GNG2: variants seen among roughly 807,000 people sequenced by gnomAD.
The protein encoded by GNG2 is G protein subunit gamma 2.
Under a neutral mutation model 5.5 loss-of-function variants are expected in GNG2, and 5 were observed. The observed-to-expected ratio is 0.91, with a 90% CI of 0.48 to 1.92. GNG2 has a LOEUF of 1.92. GNG2 is among the 30% of genes most tolerant of loss of function. The pLI is 0.01. For missense variants in GNG2, 55 were observed against 88.4 expected (o/e 0.62, Z 1.52); for synonymous variants, 28 against 32.0 (o/e 0.88, Z 0.42).
In GNG2 at chr14:51,968,202, T is replaced by A. The variant is rs917755311; in HGVS notation, c.*1515T>A. ...TCATTGTAGCTGTAGTCTCCATCAGTAACAGCAGGCCCTGGAAGACTTGAT... is the reference window on the plus strand; with the variant it reads ...TCATTGTAGCTGTAGTCTCCATCAGAAACAGCAGGCCCTGGAAGACTTGAT... On this transcript the variant is annotated 3_prime_UTR_variant, in exon 4 of 4. Coordinates refer to ENST00000556766, the MANE Select transcript of GNG2 (RefSeq NM_053064.5). 6.6e-6 allele frequency: 1 copy of A among 152,182 alleles called. No individual in the cohort carries two copies. The highest frequency in any genetic ancestry group is 2.4e-5 in the African/African-American group (1 of 41,448). The allele number at this position is 152,182 out of a possible 1,614,324, so 9.4% of individuals were successfully genotyped here.
chr14:51,932,832 G>A (rs1468154165), intron 2 of GNG2, among the ~76,000 whole-genome samples: 1 of 150,978 alleles, frequency 6.6e-6, no homozygotes, highest in Non-Finnish European at 1.5e-5. Flanking sequence ...GAAAAAGGAT[G>A]TTTGCAGATG....
intron 2 of GNG2, among the ~76,000 whole-genome samples, chr14:51,902,750 G>A (rs1314662029): frequency 2.6e-5 from 4 of 151,986 alleles, no homozygotes; most frequent in Non-Finnish European, 2.9e-5. Flanking sequence ...AAAATTAGCC[G>A]GGCAGTGCAC....
At chr14:51,843,132 A>ACCTTTCCGTAAGGTTAGG (rs2140078666) in intron 2 of GNG2, among the ~76,000 whole-genome samples, 1 of 152,342 alleles carries the variant, frequency 6.6e-6, no homozygotes, top group African/African-American at 2.4e-5. Flanking sequence ...TTTTTAATCA[A>ACCTTTCCGTAAGGTTAGG]TGCTCTCCTT....
At chr14:51,839,950 C>T (rs908553012) in intron 2 of GNG2, among the ~76,000 whole-genome samples, 7 of 148,366 alleles carry the variant, frequency 4.7e-5, no homozygotes, top group African/African-American at 1.5e-4. Flanking sequence ...GCAACTTCAG[C>T]GAGTTGTAGG....
intron 2 of GNG2, among the ~76,000 whole-genome samples, chr14:51,846,120 C>T (rs1326506083): frequency 6.6e-6 from 1 of 152,058 alleles, no homozygotes; most frequent in African/African-American, 2.4e-5. Context: ...AATGTATAAA[C>T]CATTTGTCAA....
At position 51,966,353 on chromosome 14, in the gene GNG2, C is replaced by A. The variant is rs906629756; in HGVS notation, c.88-206C>A. On this transcript the variant is annotated intron_variant, in intron 3 of 3. Coordinates refer to ENST00000556766, the MANE Select transcript of GNG2 (RefSeq NM_053064.5). ...ACCCTAAGTGCCTCACTCACCTTAA[C>A]CTAGTCCCAGACTTGCTGGCAACAA... is the stretch of plus-strand genomic sequence containing the variant. Among the ~76,000 whole-genome samples the A allele has an allele frequency of 2.0e-5, 3 of 152,278 alleles. No homozygotes were observed. In the East Asian group the frequency reaches 5.8e-4, roughly 29 times the overall value.
chr14:51,907,403 T>G (rs1208292475), intron 2 of GNG2, among the ~76,000 whole-genome samples: 1 of 152,228 alleles, frequency 6.6e-6, no homozygotes, highest in African/African-American at 2.4e-5. Flanking sequence ...GGGTCTTAAG[T>G]AGAAGTATAA....
intron 2 of GNG2, among the ~76,000 whole-genome samples, chr14:51,921,195 A>G (rs1317495841): frequency 3.3e-5 from 5 of 152,164 alleles, no homozygotes; most frequent in Non-Finnish European, 5.9e-5. Context: ...GACTAAGTAC[A>G]TTTCTTAACT....
At chr14:51,921,651 T>G (rs1237336586) in intron 2 of GNG2, among the ~76,000 whole-genome samples, 1 of 152,184 alleles carries the variant, frequency 6.6e-6, no homozygotes, top group Non-Finnish European at 1.5e-5. Flanking sequence ...GAACTAGTGC[T>G]TACTTCATAA....
intron 3 of GNG2, 72 bp from the exon 4 acceptor site, chr14:51,966,487 G>A (rs1045323209): frequency 1.5e-5 from 20 of 1,305,942 alleles, no homozygotes; most frequent in Non-Finnish European, 2.1e-5. Context: ...CCAGGACATT[G>A]GGCTCTAAAG....
At chr14:51,864,699 C>A (rs1367784757) in intron 1 of GNG2, among the ~76,000 whole-genome samples, 1 of 152,126 alleles carries the variant, frequency 6.6e-6, no homozygotes, top group East Asian at 1.9e-4. Context: ...CACTGGAGAG[C>A]TGTTTCTTCA....
intron 2 of GNG2, among the ~76,000 whole-genome samples, chr14:51,919,327 A>G (rs1886870230): frequency 6.6e-6 from 1 of 152,244 alleles, no homozygotes; most frequent in Non-Finnish European, 1.5e-5. Flanking sequence ...ATGTGAAAAC[A>G]AGATTGTAAG....
rs1361462747 is a variant in GNG2, at chr14:51,881,488, GT to G, written c.-30+3832del. On this transcript the variant is annotated intron_variant, in intron 2 of 3. Transcript: ENST00000556766. ...TGGGCCTTTCCCCACTACTTCTGCA[GT>G]ACTCTGCCAGCATCATCCGTAGCAA... Among the ~76,000 whole-genome samples the G allele has an allele frequency of 2.6e-5, 4 of 152,200 alleles. No individual in the cohort carries two copies. The East Asian group carries it at 7.7e-4, about 29-fold the overall frequency.
chr14:51,891,624 A>G (rs2059785515), intron 2 of GNG2, among the ~76,000 whole-genome samples: 1 of 152,054 alleles, frequency 6.6e-6, no homozygotes, highest in African/African-American at 2.4e-5. Context: ...TTCCCTGCAT[A>G]TGGTTTAGTT....
At chr14:51,838,937 A>G (rs1045270431) in intron 2 of GNG2, among the ~76,000 whole-genome samples, 8 of 152,322 alleles carry the variant, frequency 5.3e-5, no homozygotes, top group Admixed American at 4.6e-4. Context: ...ACACTCAGCA[A>G]TAAGTGACCC....
chr14:51,864,081 C>T (rs562644418), intron 1 of GNG2, among the ~76,000 whole-genome samples: 22 of 152,272 alleles, frequency 1.4e-4, no homozygotes, highest in African/African-American at 5.3e-4. Flanking sequence ...GAAGAATTGC[C>T]ATACTGTTTT....
intron 3 of GNG2, among the ~76,000 whole-genome samples, chr14:51,955,950 G>A (rs918220834): frequency 1.3e-5 from 2 of 152,196 alleles, no homozygotes; most frequent in African/African-American, 4.8e-5. Context: ...ATGGAACCCT[G>A]TAGTGAGAAA....
chr14:51,944,503 C>T (rs1471587262), intron 2 of GNG2, among the ~76,000 whole-genome samples: 3 of 152,142 alleles, frequency 2.0e-5, no homozygotes, highest in Non-Finnish European at 4.4e-5. Context: ...GTTAAGCTTT[C>T]ACATGTGAAT....
At chr14:51,886,952 T>C (rs188569483) in intron 2 of GNG2, among the ~76,000 whole-genome samples, 1 of 152,162 alleles carries the variant, frequency 6.6e-6, no homozygotes, top group Non-Finnish European at 1.5e-5. Context: ...ATCACGGAAG[T>C]CTTGCATGAA....
Sources: allele counts gnomAD v4.1 joint callset (sites outside exome capture counted in the v4.1 genomes callset), GRCh38; gene constraint gnomAD v4.1.1; transcripts MANE v1.5; gene names NCBI Gene and HGNC (gene_info 2026-07-23, HGNC 2026-07-21).